SYT16: variants seen among roughly 807,000 people sequenced by gnomAD.
The protein encoded by SYT16 is synaptotagmin-16.
A neutral mutation model predicts 61.4 loss-of-function variants in SYT16; 42 were observed. The observed-to-expected ratio is 0.68, with a 90% CI of 0.53 to 0.89. The LOEUF is 0.89. SYT16 is among the 40% of genes least tolerant of loss of function. The pLI, the probability that SYT16 is intolerant of heterozygous loss-of-function variation, is 0.00. For missense variants in SYT16, 804 were observed against 807.3 expected (o/e 1.00, Z 0.05); for synonymous variants, 314 against 302.3 (o/e 1.04, Z -0.40).
intron 3 of SYT16, among the ~76,000 whole-genome samples, chr14:62,035,081 G>A (rs546624519): frequency 6.6e-6 from 1 of 152,214 alleles, no homozygotes; most frequent in South Asian, 2.1e-4. Flanking sequence ...CTGTTTTTCT[G>A]GTGCATTGGA....
rs1468860372 is a variant in SYT16 at position 62,107,023 on chromosome 14, G to A, written c.*6316G>A. The A allele has an allele frequency of 6.6e-6, 1 of 151,638 alleles. No individual in the cohort carries two copies. The allele number at this position is 151,638 out of a possible 1,614,324, so 9.4% of individuals were successfully genotyped here. On this transcript the variant is annotated 3_prime_UTR_variant, in exon 8 of 8. Transcript: ENST00000683842. ...AGTTTTACCTTGAGGATGATGAGAA[G>A]GCTGACTTCCTATTGTATTGCCATA...
At chr14:61,943,612 A>G (rs1346497155) in intron 1 of SYT16, among the ~76,000 whole-genome samples, 2 of 152,216 alleles carry the variant, frequency 1.3e-5, no homozygotes, top group African/African-American at 2.4e-5. Context: ...GATCACATAA[A>G]CAGAACTAGT....
intron 1 of SYT16, among the ~76,000 whole-genome samples, chr14:61,880,177 A>G (rs1003428179): frequency 3.3e-5 from 5 of 152,180 alleles, no homozygotes; most frequent in Non-Finnish European, 4.4e-5. Context: ...CAGTTCAATG[A>G]TAGTTTCCAT....
At chr14:61,826,833 G>A (rs1294979533) in intron 1 of SYT16, among the ~76,000 whole-genome samples, 1 of 151,962 alleles carries the variant, frequency 6.6e-6, no homozygotes, top group South Asian at 2.1e-4. Context: ...TGCCAGGAGG[G>A]TTGGTGTTTG....
intron 1 of SYT16, among the ~76,000 whole-genome samples, chr14:61,945,855 CAAAAAAAAA>C (rs60917584): frequency 3.1e-5 from 2 of 64,486 alleles, no homozygotes; most frequent in African/African-American, 9.0e-5. Flanking sequence ...GACTCCGTCT[CAAAAAAAAA>C]AAAAAAAAAA....
chr14:61,939,034 C>T (rs2050104005), intron 1 of SYT16, among the ~76,000 whole-genome samples: 1 of 152,158 alleles, frequency 6.6e-6, no homozygotes, highest in Non-Finnish European at 1.5e-5. Context: ...ACTTGGGAGG[C>T]TGAGGCAGGA....
rs376907204 is a variant in SYT16 at position 62,067,651 on chromosome 14, G to T, written c.524-1952G>T. 3.3e-4 allele frequency among the ~76,000 whole-genome samples: 51 copies of T among 152,312 alleles called. 1 individual carries two copies. The South Asian group carries it at 1.0e-2, about 30-fold the overall frequency. ...GAAGAGGAAACTCTAGCATACTGTT[G>T]CTGGGAATGTACATGGTGGCAGCTG... On this transcript the variant is annotated intron_variant, in intron 3 of 7. Coordinates refer to ENST00000683842, the MANE Select transcript of SYT16 (RefSeq NM_001367656.1).
chr14:62,015,091 C>T (rs917213364), intron 3 of SYT16, among the ~76,000 whole-genome samples: 6 of 152,144 alleles, frequency 3.9e-5, no homozygotes, highest in African/African-American at 1.4e-4. Context: ...CTCTCCCTGC[C>T]TTTTTCTGGC....
intron 3 of SYT16, among the ~76,000 whole-genome samples, chr14:62,049,131 A>C (rs974713552): frequency 2.0e-5 from 3 of 152,148 alleles, no homozygotes; most frequent in African/African-American, 4.8e-5. Flanking sequence ...TTATGTCACT[A>C]AGGACTTGCT....
chr14:61,949,760 G>A (rs566434435), intron 1 of SYT16, among the ~76,000 whole-genome samples: 2 of 152,254 alleles, frequency 1.3e-5, no homozygotes, highest in African/African-American at 2.4e-5. Context: ...GAATGATCTC[G>A]GTTAACCCAT....
chr14:62,024,670 A>C (rs1451080490), intron 3 of SYT16, among the ~76,000 whole-genome samples: 4 of 151,774 alleles, frequency 2.6e-5, no homozygotes, highest in Non-Finnish European at 5.9e-5. Flanking sequence ...ATTAGCCTGC[A>C]CTCTTGGTGT....
chr14:62,066,171 G>A (rs890197254), intron 3 of SYT16, among the ~76,000 whole-genome samples: 1 of 152,202 alleles, frequency 6.6e-6, no homozygotes, highest in Non-Finnish European at 1.5e-5. Flanking sequence ...CAAAAACAAG[G>A]CATAAGAGAG....
intron 1 of SYT16, chr14:61,831,928 T>C (rs982082289): frequency 4.8e-5 from 25 of 525,352 alleles, no homozygotes; most frequent in African/African-American, 4.6e-4. Context: ...GTTCACCTCA[T>C]GTCCAGCATC....
At chr14:61,984,605 A>G (rs2052223985) in intron 2 of SYT16, among the ~76,000 whole-genome samples, 1 of 152,196 alleles carries the variant, frequency 6.6e-6, no homozygotes, top group South Asian at 2.1e-4. Context: ...CTAACAGAAG[A>G]CTGCAAGGTA....
intron 1 of SYT16, among the ~76,000 whole-genome samples, chr14:61,910,878 G>A (rs1365114957): frequency 6.6e-6 from 1 of 152,154 alleles, no homozygotes; most frequent in Admixed American, 6.5e-5. Flanking sequence ...CTCTGATGAG[G>A]CAAGGTAATA....
At chr14:61,990,667 A>G (rs7156837) in intron 2 of SYT16, among the ~76,000 whole-genome samples, 93,813 of 152,016 alleles carry the variant, frequency 0.62, 30,942 homozygotes, top group African/African-American at 0.84. Flanking sequence ...AGATTTTTAA[A>G]GCACAGCTTC....
intron 1 of SYT16, among the ~76,000 whole-genome samples, chr14:61,897,652 A>G (rs147396114): frequency 2.6e-5 from 4 of 152,152 alleles, no homozygotes; most frequent in African/African-American, 9.7e-5. Flanking sequence ...GAGCTCCTGC[A>G]TAGCAAAAGA....
chr14:61,942,626 A>C (rs1029190826), intron 1 of SYT16, among the ~76,000 whole-genome samples: 7 of 152,156 alleles, frequency 4.6e-5, no homozygotes, highest in African/African-American at 1.7e-4. Context: ...ATATGTACTG[A>C]GTATTTTTGG....
intron 1 of SYT16, among the ~76,000 whole-genome samples, chr14:61,859,000 G>A (rs180826509): frequency 9.2e-4 from 138 of 149,668 alleles, no homozygotes; most frequent in South Asian, 1.9e-3. Context: ...GACTACAGGC[G>A]CCCACCACTA....
Sources: allele counts gnomAD v4.1 joint callset (sites outside exome capture counted in the v4.1 genomes callset), GRCh38; gene constraint gnomAD v4.1.1; transcripts MANE v1.5; gene names NCBI Gene and HGNC (gene_info 2026-07-23, HGNC 2026-07-21).